Variants in SHC2 observed in about 807,000 individuals in gnomAD.
SHC2 encodes SHC adaptor protein 2.
SHC2 carries 62 observed loss-of-function variants against 60.6 expected under a neutral mutation model. That is an observed-to-expected ratio of 1.02 (90% CI 0.83 to 1.26). The LOEUF is 1.26. Among genes scored for constraint, SHC2 ranks in the 50% most tolerant of loss-of-function variants. SHC2 has a pLI of 0.00. For synonymous variants in SHC2, 375 were observed against 372.4 expected (o/e 1.01, Z -0.08); for missense variants, 873 against 822.2 (o/e 1.06, Z -0.76).
Position 441,104 on chromosome 19 carries a change from A to G in SHC2, c.469-172T>C. ...CCCCACCTCAAGGCCCAGCCTTGAC[A>G]CTGTCCTGCGAGCCGCCCCCTCTGA... On this transcript the variant is annotated intron_variant, in intron 1 of 12. Coordinates refer to ENST00000264554, the MANE Select transcript of SHC2 (RefSeq NM_012435.3). This position sits in a 1 kb window ranked among gnomAD's most constrained non-coding sequence, Gnocchi z 4.9. 1.0e-6 allele frequency: 1 copy of G among 984,138 alleles called. No homozygotes were observed. The highest frequency in any genetic ancestry group is 1.2e-6 in the Non-Finnish European group (1 of 829,222). 61.0% of individuals were successfully genotyped at this position (984,138 alleles called of 1,614,324 possible).
intron 12 of SHC2, 107 bp downstream of exon 12, chr19:418,816 C>T: frequency 1.5e-6 from 2 of 1,303,258 alleles, no homozygotes; most frequent in South Asian, 1.4e-5. Context: ...CTGAGTCGTG[C>T]CCTCTAGAGG....
intron 11 of SHC2, among the ~76,000 whole-genome samples, chr19:420,277 GC>G (rs1397929322): frequency 1.3e-5 from 2 of 152,134 alleles, no homozygotes; most frequent in African/African-American, 2.4e-5. Context: ...CCCAAGCCCT[GC>G]CCCCTCCAGC....
At chr19:429,513 C>T (rs1974510576) in intron 9 of SHC2, among the ~76,000 whole-genome samples, 1 of 149,380 alleles carries the variant, frequency 6.7e-6, no homozygotes, top group African/African-American at 2.5e-5. Flanking sequence ...GCACGGAAAC[C>T]TAACACCGTG....
intron 4 of SHC2, among the ~76,000 whole-genome samples, chr19:437,158 G>A (rs1331326023): frequency 6.6e-6 from 1 of 152,168 alleles, no homozygotes; most frequent in Non-Finnish European, 1.5e-5. Flanking sequence ...TTGTATGCTT[G>A]TTTGCCTACT....
At position 448,109 on chromosome 19, in the gene SHC2, C is replaced by T. The variant is rs572126503; in HGVS notation, c.469-7177G>A. ...GTGGCTCCCGGGGCGTGCACTGCGA[C>T]GTCCCCATGCACCCGAGTCCCAATT... On this transcript the variant is annotated intron_variant, in intron 1 of 12. Coordinates refer to ENST00000264554, the MANE Select transcript of SHC2 (RefSeq NM_012435.3). 7.2e-5 allele frequency among the ~76,000 whole-genome samples: 11 copies of T among 152,314 alleles called. No homozygotes were observed. The South Asian group carries it at 1.5e-3, about 20-fold the overall frequency.
Position 438,749 on chromosome 19 carries a change from C to A in SHC2, c.689G>T (p.Gly230Val). The part of the protein sequence containing the change: ...MSISIHISTD[G>V]LSLSVPATRQ... The stretch of plus-strand genomic sequence containing the variant: ...CGTGGCAGGCACGGAGAGGCTGAGG[C>A]CATCAGTGGAGATGTGGATGGAGAT... Residue 230 changes from glycine to valine, a missense_variant, in exon 4 of 13, where the codon GGC becomes GTC. Physicochemically the swap from Gly to Val is moderately radical, Grantham distance 109. Transcript: ENST00000264554. The surrounding 1 kb of genome is among the most constrained non-coding windows in gnomAD (Gnocchi z 5.0). 3 of 1,569,804 alleles carry A rather than the reference C, an allele frequency of 1.9e-6. No homozygotes were observed. The highest frequency in any genetic ancestry group is 2.6e-6 in the Non-Finnish European group (3 of 1,158,886).
Position 425,554 on chromosome 19 carries a change from C to A in SHC2, c.1175-323G>T, listed in dbSNP as rs1198695132. ...CACCCCGCCCTGGCCCTCCCCGGCC[C>A]AGGGTCCAGAGCTTCCCAGTGCGTG... On this transcript the variant is annotated intron_variant, in intron 9 of 12. Transcript: ENST00000264554. The surrounding 1 kb of genome is among the most constrained non-coding windows in gnomAD (Gnocchi z 4.1). 6.6e-6 allele frequency among the ~76,000 whole-genome samples: 1 copy of A among 152,224 alleles called. No homozygotes were observed. The highest frequency in any genetic ancestry group is 1.5e-5 in the Non-Finnish European group (1 of 68,044).
chr19:427,532 G>A (rs1974450002), intron 9 of SHC2, among the ~76,000 whole-genome samples: 1 of 150,016 alleles, frequency 6.7e-6, no homozygotes, highest in Admixed American at 6.6e-5. Flanking sequence ...CACAGGGAAG[G>A]GGAATTGCGC....
rs547066837 is a variant in SHC2 at position 441,187 on chromosome 19, G to A, written c.469-255C>T. 1.4e-4 allele frequency: 138 copies of A among 983,510 alleles called. No homozygotes were observed. The Middle Eastern group carries it at 2.1e-3, about 15-fold the overall frequency. 60.9% of individuals were successfully genotyped at this position (983,510 alleles called of 1,614,324 possible). ...CAGGAGCCTGGTGGTTCCCCCAGACGCTCTATGCTGCTTGTTCATTTAACC... is the reference window on the plus strand; with the variant it reads ...CAGGAGCCTGGTGGTTCCCCCAGACACTCTATGCTGCTTGTTCATTTAACC... On this transcript the variant is annotated intron_variant, in intron 1 of 12. Transcript: ENST00000264554. This position sits in a 1 kb window ranked among gnomAD's most constrained non-coding sequence, Gnocchi z 4.9.
chr19:454,811 G>A (rs984181046), intron 1 of SHC2, among the ~76,000 whole-genome samples: 8 of 150,966 alleles, frequency 5.3e-5, no homozygotes, highest in African/African-American at 1.7e-4. Context: ...AAAGACCATA[G>A]AAATGCTTCC....
intron 1 of SHC2, among the ~76,000 whole-genome samples, chr19:455,491 C>T (rs1299293920): frequency 6.6e-6 from 1 of 152,244 alleles, no homozygotes; most frequent in African/African-American, 2.4e-5. Context: ...CTGCCCACGG[C>T]GCTCGGACGC....
At chr19:442,318 CAATG>C (rs745325324) in intron 1 of SHC2, among the ~76,000 whole-genome samples, 4 of 136,076 alleles carry the variant, frequency 2.9e-5, no homozygotes, top group Non-Finnish European at 4.7e-5. Context: ...GGCAGATGGA[CAATG>C]AATGGATGGG....
chr19:458,272 G>A (rs1307991902), intron 1 of SHC2, among the ~76,000 whole-genome samples: 1 of 141,154 alleles, frequency 7.1e-6, no homozygotes, highest in Non-Finnish European at 1.5e-5. Context: ...AGCGGGTCTT[G>A]GGGAGGCGGA....
intron 9 of SHC2, among the ~76,000 whole-genome samples, chr19:427,548 ACAGGGAAGGGGAATTGCGCACG>A (rs1974450522): frequency 7.2e-6 from 1 of 138,216 alleles, no homozygotes; most frequent in African/African-American, 2.7e-5. Flanking sequence ...TGCGCACGGC[ACAGGGAAGGGGAATTGCGCACG>A]GCACAGGGAA....
rs1411829458 is a variant in SHC2 at position 422,186 on chromosome 19, C to T, written c.1580G>A (p.Gly527Glu). ...CACGAGCAGCAGGTGCTTGGGCTGC[C>T]CGGCGTGCATGCCGGTGAGGACATA... ...GQYVLTGMHA[G>E]QPKHLLLVDP... Residue 527 changes from glycine to glutamate, a missense_variant, in exon 11 of 13, where the codon GGG becomes GAG. By Grantham distance (98) the Gly-to-Glu change is moderately conservative. Coordinates refer to ENST00000264554, the MANE Select transcript of SHC2 (RefSeq NM_012435.3). This position sits in a 1 kb window ranked among gnomAD's most constrained non-coding sequence, Gnocchi z 5.0. 6.2e-7 allele frequency: 1 copy of T among 1,612,426 alleles called. No individual in the cohort carries two copies. Among genetic ancestry groups the T allele is most frequent in the Non-Finnish European group, 8.5e-7 (1 of 1,179,578 alleles).
chr19:430,966 G>A (rs1568285687), intron 8 of SHC2, among the ~76,000 whole-genome samples: 1 of 152,222 alleles, frequency 6.6e-6, no homozygotes, highest in Non-Finnish European at 1.5e-5. Context: ...CACCTCGGAA[G>A]GTGGTCAGCA....
Position 459,981 on chromosome 19 carries a change from G to A in SHC2, c.468+548C>T, listed in dbSNP as rs570558570. ...GGAGGCGTGCTGTGTCCAGGCGCCC[G>A]ACTTCCCCGTGTGTTTGAAAAGGTT... On this transcript the variant is annotated intron_variant, in intron 1 of 12. Coordinates refer to ENST00000264554, the MANE Select transcript of SHC2 (RefSeq NM_012435.3). 2.6e-5 allele frequency among the ~76,000 whole-genome samples: 4 copies of A among 152,316 alleles called. No homozygotes were observed. In the South Asian group the frequency reaches 8.3e-4, roughly 32 times the overall value.
At chr19:456,939 G>GC (rs1336778969) in intron 1 of SHC2, among the ~76,000 whole-genome samples, 3 of 146,082 alleles carry the variant, frequency 2.1e-5, no homozygotes, top group African/African-American at 5.3e-5. Flanking sequence ...CACCTGCTGT[G>GC]CCCCGCCCCT....
At position 458,632 on chromosome 19, in the gene SHC2, G is replaced by C. The variant is rs138542174; in HGVS notation, c.468+1897C>G. Among the ~76,000 whole-genome samples the C allele has an allele frequency of 6.1e-3, 806 of 132,218 alleles. 9 individuals carry two copies. Among genetic ancestry groups the C allele is most frequent in the African/African-American group, 0.021 (619 of 30,188 alleles). 86.7% of individuals were successfully genotyped at this position (132,218 alleles called of 152,430 possible). On this transcript the variant is annotated intron_variant, in intron 1 of 12. Transcript: ENST00000264554. ...TCCAGGGAGGCGGACGCGGGTTCCGGGGAGGCGGAAGCCGGTCTTGGGGAG... is the reference window on the plus strand; with the variant it reads ...TCCAGGGAGGCGGACGCGGGTTCCGCGGAGGCGGAAGCCGGTCTTGGGGAG...
Sources: allele counts gnomAD v4.1 joint callset (sites outside exome capture counted in the v4.1 genomes callset), GRCh38; gene constraint gnomAD v4.1.1; non-coding constraint Gnocchi (gnomAD v3.1); transcripts MANE v1.5; gene names NCBI Gene and HGNC (gene_info 2026-07-23, HGNC 2026-07-21).